Variants in PIAS2 observed in about 807,000 individuals in gnomAD.
The protein encoded by PIAS2 is E3 SUMO-protein ligase PIAS2.
Under a neutral mutation model 69.7 loss-of-function variants are expected in PIAS2, and 19 were observed. That is an observed-to-expected ratio of 0.27 (90% confidence interval 0.19 to 0.40). The LOEUF (loss-of-function observed/expected upper bound fraction) is 0.40, where lower values mean the gene tolerates loss of function less well. Among genes scored for constraint, PIAS2 ranks in the 10% least tolerant of loss-of-function variants. The pLI, the probability that PIAS2 is intolerant of heterozygous loss-of-function variation, is 1.00. For missense variants in PIAS2, 624 were observed against 757.0 expected (o/e 0.82, Z 2.06); for synonymous variants, 261 against 263.2 (o/e 0.99, Z 0.08).
At chr18:46,894,406 G>A (rs2054531834) in intron 1 of PIAS2, among the ~76,000 whole-genome samples, 1 of 152,094 alleles carries the variant, frequency 6.6e-6, no homozygotes, top group Non-Finnish European at 1.5e-5. Context: ...ATGGATTTCA[G>A]TTGTTTTTCT....
chr18:46,856,840 A>C (rs933384356), intron 3 of PIAS2, among the ~76,000 whole-genome samples: 2 of 152,316 alleles, frequency 1.3e-5, no homozygotes, highest in African/African-American at 4.8e-5. Context: ...TAACTGGGCC[A>C]GTCTACTCAC....
intron 1 of PIAS2, among the ~76,000 whole-genome samples, chr18:46,912,968 A>G (rs986418670): frequency 1.4e-4 from 22 of 152,334 alleles, no homozygotes; most frequent in Non-Finnish European, 2.4e-4. Context: ...TACAGCCTTG[A>G]GCCACTGCGC....
At chr18:46,839,390 G>A (rs1047566470) in intron 8 of PIAS2, among the ~76,000 whole-genome samples, 10 of 152,056 alleles carry the variant, frequency 6.6e-5, no homozygotes, top group Non-Finnish European at 1.3e-4. Flanking sequence ...TACTAGTAAT[G>A]TTACTTCTGA....
chr18:46,851,034 G>A (rs962298977), intron 5 of PIAS2, among the ~76,000 whole-genome samples: 7 of 152,136 alleles, frequency 4.6e-5, no homozygotes, highest in African/African-American at 1.2e-4. Flanking sequence ...TCCCTTCTCA[G>A]GTAAGGAGGT....
intron 8 of PIAS2, among the ~76,000 whole-genome samples, chr18:46,841,121 TG>T (rs937508741): frequency 1.3e-5 from 2 of 152,196 alleles, no homozygotes; most frequent in Admixed American, 1.3e-4. Context: ...GAAACTCCTA[TG>T]TAAAATTCAG....
At chr18:46,914,664 T>C (rs1375736271) in intron 1 of PIAS2, among the ~76,000 whole-genome samples, 2 of 149,530 alleles carry the variant, frequency 1.3e-5, no homozygotes, top group East Asian at 4.1e-4. Context: ...ATCTCCAGTA[T>C]AGATGCAGCA....
At chr18:46,890,288 C>A (rs1219271832) in intron 2 of PIAS2, among the ~76,000 whole-genome samples, 1 of 152,084 alleles carries the variant, frequency 6.6e-6, no homozygotes, top group Non-Finnish European at 1.5e-5. Flanking sequence ...CACAACATTA[C>A]CAACATACTT....
chr18:46,897,273 G>C (rs1163173929), intron 1 of PIAS2, among the ~76,000 whole-genome samples: 12 of 152,162 alleles, frequency 7.9e-5, no homozygotes, highest in Admixed American at 7.9e-4. Flanking sequence ...ACTCCTTGGG[G>C]AAATAAATGG....
intron 1 of PIAS2, among the ~76,000 whole-genome samples, chr18:46,907,101 G>A (rs1480588913): frequency 6.6e-6 from 1 of 152,174 alleles, no homozygotes; most frequent in Non-Finnish European, 1.5e-5. Context: ...ATGGAAAAGG[G>A]CAATGGAGAG....
chr18:46,876,116 G>C (rs1295094507), intron 2 of PIAS2, among the ~76,000 whole-genome samples: 1 of 152,228 alleles, frequency 6.6e-6, no homozygotes, highest in African/African-American at 2.4e-5. Flanking sequence ...TGGTGGTATT[G>C]TGGCGGACCA....
At chr18:46,854,534 A>C (rs2047450277) in intron 5 of PIAS2, among the ~76,000 whole-genome samples, 1 of 152,228 alleles carries the variant, frequency 6.6e-6, no homozygotes, top group African/African-American at 2.4e-5. Context: ...TAATGTATCC[A>C]AAATGGAAAC....
intron 8 of PIAS2, among the ~76,000 whole-genome samples, chr18:46,842,766 G>T (rs997751119): frequency 2.6e-5 from 4 of 152,096 alleles, no homozygotes; most frequent in African/African-American, 9.7e-5. Context: ...GTGTCCTTCC[G>T]CATGCCTCCT....
rs756894501 is a variant in PIAS2 at position 46,890,802 on chromosome 18, C to G, written c.277G>C (p.Glu93Gln). Reference sequence around the variant, plus strand: ...ATTCCAGCCACGGCCAAGTCAGGTTCTACAGGTGATGAGCCACCATCCAAA... The same window carrying G: ...ATTCCAGCCACGGCCAAGTCAGGTTGTACAGGTGATGAGCCACCATCCAAA... ...FSLDGGSSPVEPDLAVAGIHS... is the reference protein window; with the variant it reads ...FSLDGGSSPVQPDLAVAGIHS... Residue 93 changes from glutamate (E) to glutamine (Q), a missense_variant, in exon 2 of 14, where the codon GAA becomes CAA. This residue lies in a region of PIAS2 where 339 missense variants were observed against 408.8 expected (regional missense o/e 0.83). Transcript: ENST00000585916. 6.2e-7 allele frequency: 1 copy of G among 1,614,134 alleles called. No homozygotes were observed. The highest frequency in any genetic ancestry group is 1.1e-5 in the South Asian group (1 of 91,076).
intron 11 of PIAS2, chr18:46,827,159 C>G (rs1201800573): frequency 2.0e-5 from 3 of 152,016 alleles, no homozygotes; most frequent in East Asian, 1.9e-4. Context: ...ACCAAGTGGA[C>G]CAAGAGGCCA....
At chr18:46,834,008 T>C (rs545690435) in intron 9 of PIAS2, among the ~76,000 whole-genome samples, 40 of 140,192 alleles carry the variant, frequency 2.9e-4, no homozygotes, top group African/African-American at 1.0e-3. Context: ...CACAGCACTT[T>C]ACACTTAATA....
At chr18:46,857,784 T>C (rs2048055719) in intron 3 of PIAS2, among the ~76,000 whole-genome samples, 2 of 152,204 alleles carry the variant, frequency 1.3e-5, no homozygotes, top group African/African-American at 4.8e-5. Flanking sequence ...CCAAGGCATC[T>C]TCTGACATTC....
At chr18:46,860,854 GTAGTCC>G (rs1417429426) in intron 3 of PIAS2, among the ~76,000 whole-genome samples, 1 of 152,120 alleles carries the variant, frequency 6.6e-6, no homozygotes, top group African/African-American at 2.4e-5. Context: ...TTGTACACCT[GTAGTCC>G]TAGCTTCTTG....
At chr18:46,905,669 C>T (rs2056503389) in intron 1 of PIAS2, 1 of 152,054 alleles carries the variant, frequency 6.6e-6, no homozygotes, top group African/African-American at 2.4e-5. Flanking sequence ...AGATTAACAA[C>T]TAAATGCTAC....
At chr18:46,895,255 T>G (rs1407563343) in intron 1 of PIAS2, among the ~76,000 whole-genome samples, 1 of 152,088 alleles carries the variant, frequency 6.6e-6, no homozygotes, top group Non-Finnish European at 1.5e-5. Flanking sequence ...TAAAGGTCAA[T>G]AAGAACTCTG....
Sources: gnomAD v4.1 joint callset for allele counts (sites outside exome capture counted in the v4.1 genomes callset) on GRCh38, gnomAD v4.1.1 for gene constraint, gnomAD v4.1.1 regional missense constraint, MANE v1.5 for transcripts, NCBI Gene and HGNC (gene_info 2026-07-23, HGNC 2026-07-21) for gene names.